Variants in RAD51AP1 observed in about 807,000 individuals in gnomAD.
RAD51AP1 encodes RAD51-associated protein 1.
RAD51AP1 carries 14 observed loss-of-function variants against 34.3 expected under a neutral mutation model. The ratio of observed to expected loss-of-function variants is 0.41; its 90% CI spans 0.27 to 0.64. The LOEUF is 0.64. Among genes scored for constraint, RAD51AP1 ranks in the 30% least tolerant of loss-of-function variants. The pLI, the probability that RAD51AP1 is intolerant of heterozygous loss-of-function variation, is 0.33. For synonymous variants in RAD51AP1, 114 were observed against 129.8 expected, an observed-to-expected ratio of 0.88 and a Z score of 0.83; for missense variants, 348 against 386.9, an observed-to-expected ratio of 0.90 and a Z score of 0.84.
intron 8 of RAD51AP1, among the ~76,000 whole-genome samples, chr12:4,557,871 C>T (rs1442436923): frequency 1.3e-5 from 2 of 152,082 alleles, no homozygotes; most frequent in Non-Finnish European, 2.9e-5. Flanking sequence ...CGTATTGTTT[C>T]CATGCAAGAT....
chr12:4,553,307 G>C (rs981746114), intron 7 of RAD51AP1, 160 bp downstream of exon 7: 1 of 538,346 alleles, frequency 1.9e-6, no homozygotes, highest in Non-Finnish European at 3.1e-6. Context: ...GGAGAAAAGC[G>C]GACAAGAATG....
At position 4,556,460 on chromosome 12, in the gene RAD51AP1, A is replaced by G. The variant is rs768138700; in HGVS notation, c.829A>G (p.Ser277Gly). Residue 277 changes from serine to glycine, a missense_variant, in exon 8 of 9, where the codon AGT (serine) becomes GGT (glycine). Physicochemically the swap from Ser to Gly is moderately conservative, Grantham distance 56. Coordinates refer to ENST00000352618, the MANE Select transcript of RAD51AP1 (RefSeq NM_006479.5). Reference sequence around the variant, plus strand: ...CACTAGGAAACCATTAGAAATACGCAGTCCTTCAGCTGAAAGCAAGAAACC... The same window carrying G: ...CACTAGGAAACCATTAGAAATACGCGGTCCTTCAGCTGAAAGCAAGAAACC... ...DTTRKPLEIR[S>G]PSAESKKPKW... 5.0e-6 allele frequency: 8 copies of G among 1,613,512 alleles called. No individual in the cohort carries two copies. The highest frequency in any genetic ancestry group is 6.8e-6 in the Non-Finnish European group (8 of 1,179,536).
intron 6 of RAD51AP1, 58 bp from the exon 7 acceptor site, chr12:4,552,925 A>G: frequency 7.0e-7 from 1 of 1,430,902 alleles, no homozygotes. Context: ...GATAAAGTTA[A>G]GGCAACAGAA....
At chr12:4,557,040 C>T (rs1005177430) in intron 8 of RAD51AP1, among the ~76,000 whole-genome samples, 2 of 152,182 alleles carry the variant, frequency 1.3e-5, no homozygotes, top group East Asian at 1.9e-4. Flanking sequence ...ATTCTTTGAC[C>T]TTCACCCTTC....
rs1273365369 is a variant in RAD51AP1, at chr12:4,553,062, TAAAG to T, written c.640_643del (p.Glu214LeufsTer6). The T allele has an allele frequency of 3.7e-6, 6 of 1,606,004 alleles. No homozygotes were observed. The highest frequency in any genetic ancestry group is 5.1e-6 in the Non-Finnish European group (6 of 1,176,664). On this transcript the variant is annotated frameshift_variant, in exon 7 of 9. Transcript: ENST00000352618. LOFTEE classifies it high-confidence loss of function. ...ACTTCTCTATGAGAAAAAGTAAAGTTAAAGAAATTAAAAAGAAAGAAGTGAAGGT... is the reference window on the plus strand; with the variant it reads ...ACTTCTCTATGAGAAAAAGTAAAGTTAAATTAAAAAGAAAGAAGTGAAGGT...
chr12:4,558,775 T>C, intron 8 of RAD51AP1, 82 bp from the exon 9 acceptor site: 1 of 1,530,060 alleles, frequency 6.5e-7, no homozygotes, highest in Non-Finnish European at 8.9e-7. Flanking sequence ...TAACTACCTT[T>C]TTTTTGCTGC....
intron 1 of RAD51AP1, among the ~76,000 whole-genome samples, chr12:4,539,979 G>C (rs944047308): frequency 1.3e-5 from 2 of 152,172 alleles, no homozygotes; most frequent in Admixed American, 6.5e-5. Context: ...ACGGGAGCAG[G>C]AAAATCAGGT....
In RAD51AP1 at chr12:4,539,088, A is replaced by C. The variant is rs201235939; in HGVS notation, c.17+132A>C. ...TAGGATGGACGGTTATCAAGAACCC[A>C]GTCTCCAGTGAGAGCCACCCGTTGC... is the stretch of plus-strand genomic sequence containing the variant. On this transcript the variant is annotated intron_variant, in intron 1 of 8. Transcript: ENST00000352618. 7.7e-5 allele frequency: 75 copies of C among 978,514 alleles called. No homozygotes were observed. In the East Asian group the frequency reaches 1.7e-3, roughly 23 times the overall value. The allele number at this position is 978,514 out of a possible 1,614,324, so 60.6% of individuals were successfully genotyped here.
chr12:4,543,862 G>A lies in RAD51AP1; in HGVS notation c.167G>A (p.Arg56Gln), dbSNP rs763582894. ...CCAAAACCTAACTTGAACAATCTCC[G>A]GAAAGAAGAAATCCCAGTACAAGAG... is the stretch of plus-strand genomic sequence containing the variant. ...DKPKPNLNNL[R>Q]KEEIPVQEKT... The change falls in exon 3 of 9, where the codon CGG (arginine) becomes CAG (glutamine). Residue 56 changes from arginine (R) to glutamine (Q), a missense_variant. Transcript: ENST00000352618. 1.5e-5 allele frequency: 24 copies of A among 1,612,512 alleles called. No individual in the cohort carries two copies. The highest frequency in any genetic ancestry group is 1.7e-5 in the Admixed American group (1 of 59,906).
In RAD51AP1 at chr12:4,548,717, T is replaced by G. The variant is rs754653104; in HGVS notation, c.437T>G (p.Val146Gly). ...DLDKITVEDD[V>G]GGVQGKRKAA... is the part of the protein sequence containing the mutation. ...GATAAGATTACTGTGGAAGATGATG[T>G]TGGTGGTGTTCAAGGGAAAAGAAAA... is the stretch of plus-strand genomic sequence containing the variant. The change falls in exon 6 of 9, where the codon GTT becomes GGT. Residue 146 changes from valine to glycine, a missense_variant. Val to Gly is a moderately radical substitution (Grantham distance 109, BLOSUM62 -3). Transcript: ENST00000352618. The G allele has an allele frequency of 6.2e-7, 1 of 1,614,024 alleles. No individual in the cohort carries two copies. The highest frequency in any genetic ancestry group is 8.5e-7 in the Non-Finnish European group (1 of 1,179,936).
intron 7 of RAD51AP1, among the ~76,000 whole-genome samples, chr12:4,553,761 T>A (rs1944563612): frequency 6.6e-6 from 1 of 152,166 alleles, no homozygotes; most frequent in African/African-American, 2.4e-5. Context: ...AGTTAGGATA[T>A]TTTTGAGTTC....
chr12:4,548,636 A>C, intron 5 of RAD51AP1, 51 bp from the exon 6 acceptor site: 1 of 1,578,078 alleles, frequency 6.3e-7, no homozygotes, highest in Non-Finnish European at 8.7e-7. Context: ...AGTTCTTGAA[A>C]TATCAGTTGT....
At chr12:4,542,600 T>A (rs1195808194) in intron 2 of RAD51AP1, among the ~76,000 whole-genome samples, 1 of 151,626 alleles carries the variant, frequency 6.6e-6, no homozygotes, top group East Asian at 1.9e-4. Flanking sequence ...CATCAGTCTG[T>A]CATCAGATAC....
intron 2 of RAD51AP1, among the ~76,000 whole-genome samples, chr12:4,542,909 T>G (rs1944478792): frequency 6.6e-6 from 1 of 152,140 alleles, no homozygotes; most frequent in African/African-American, 2.4e-5. Flanking sequence ...AAATAAGAAG[T>G]TACTTTGGTA....
At chr12:4,543,934 G>A in intron 3 of RAD51AP1, 30 bp downstream of exon 3, 2 of 1,537,192 alleles carry the variant, frequency 1.3e-6, no homozygotes, top group Non-Finnish European at 1.8e-6. Context: ...GTAAATATAT[G>A]ACATTAGATG....
At chr12:4,549,177 G>A (rs1297867574) in intron 6 of RAD51AP1, among the ~76,000 whole-genome samples, 3 of 152,150 alleles carry the variant, frequency 2.0e-5, no homozygotes, top group African/African-American at 4.8e-5. Context: ...CGAGAGGGAG[G>A]CTGGTACTAA....
chr12:4,538,968 C>G lies in RAD51AP1; in HGVS notation c.17+12C>G. 1 of 1,613,674 alleles carries G rather than the reference C, an allele frequency of 6.2e-7. No homozygotes were observed. Among genetic ancestry groups the G allele is most frequent in the Non-Finnish European group, 8.5e-7 (1 of 1,179,556 alleles). On this transcript the variant is annotated intron_variant, in intron 1 of 8. Coordinates refer to ENST00000352618, the MANE Select transcript of RAD51AP1 (RefSeq NM_006479.5). ...GTGCGGCCTGTGAGGTGGGTAGTTCCTGACATTCGTCGGGGGTGGGAGGAA... is the reference window on the plus strand; with the variant it reads ...GTGCGGCCTGTGAGGTGGGTAGTTCGTGACATTCGTCGGGGGTGGGAGGAA...
chr12:4,555,897 C>T (rs533975596), intron 7 of RAD51AP1, among the ~76,000 whole-genome samples: 1 of 152,290 alleles, frequency 6.6e-6, no homozygotes, highest in East Asian at 1.9e-4. Context: ...AGTGACTAAA[C>T]CTTAAAGTCC....
At chr12:4,544,118 C>A (rs1330658958) in intron 3 of RAD51AP1, among the ~76,000 whole-genome samples, 1 of 152,032 alleles carries the variant, frequency 6.6e-6, no homozygotes, top group East Asian at 1.9e-4. Context: ...AATATTAAGA[C>A]AATAATGATT....
Sources: allele counts gnomAD v4.1 joint callset (sites outside exome capture counted in the v4.1 genomes callset), GRCh38; gene constraint gnomAD v4.1.1; transcripts MANE v1.5; gene names NCBI Gene and HGNC (gene_info 2026-07-23, HGNC 2026-07-21).